ZFHX3: variants seen among roughly 807,000 people sequenced by gnomAD.
ZFHX3 encodes the protein zinc finger homeobox protein 3.
Under a neutral mutation model 279.1 loss-of-function variants are expected in ZFHX3, and 42 were observed. That is an observed-to-expected ratio of 0.15 (90% CI 0.12 to 0.19). The LOEUF (loss-of-function observed/expected upper bound fraction) is 0.19, where lower values mean the gene tolerates loss of function less well. Among genes scored for constraint, ZFHX3 ranks in the 10% least tolerant of loss-of-function variants. The pLI is 1.00. For synonymous variants in ZFHX3, 2,293 were observed against 1,957.8 expected (o/e 1.17, Z -4.52); for missense variants, 4,981 against 4,754.0 (o/e 1.05, Z -1.40).
intron 4 of ZFHX3, among the ~76,000 whole-genome samples, chr16:72,854,116 C>T (rs970554179): frequency 6.6e-6 from 1 of 152,286 alleles, no homozygotes; most frequent in African/African-American, 2.4e-5. Context: ...CAGAAGTAAG[C>T]GAAGCAATTA....
intron 1 of ZFHX3, among the ~76,000 whole-genome samples, chr16:73,872,621 A>G (rs2029865287): frequency 6.6e-6 from 1 of 150,564 alleles, no homozygotes; most frequent in African/African-American, 2.5e-5. Flanking sequence ...TCGGACAGTT[A>G]TCTTTAAAAA....
intron 1 of ZFHX3, chr16:73,014,518 CTTTTTTTTTT>C (rs1000108439): frequency 3.2e-5 from 2 of 63,366 alleles, no homozygotes; most frequent in Admixed American, 2.3e-4. Flanking sequence ...ATTTCTTCTT[CTTTTTTTTTT>C]TTTTTTTTTT....
chr16:73,728,515 G>A (rs1209456246), intron 1 of ZFHX3, among the ~76,000 whole-genome samples: 1 of 152,162 alleles, frequency 6.6e-6, no homozygotes, highest in African/African-American at 2.4e-5. Flanking sequence ...AGGGCTAATG[G>A]TAGCTGACAT....
chr16:73,854,071 A>G (rs142708015), intron 1 of ZFHX3, among the ~76,000 whole-genome samples: 157 of 152,344 alleles, frequency 1.0e-3, no homozygotes, highest in Non-Finnish European at 1.9e-3. Flanking sequence ...GCTTGCGAGT[A>G]GAGTCAAAGT....
At chr16:73,616,084 C>T (rs1393584133) in intron 2 of ZFHX3, among the ~76,000 whole-genome samples, 6 of 151,936 alleles carry the variant, frequency 3.9e-5, no homozygotes, top group Non-Finnish European at 8.8e-5. Flanking sequence ...TTTGATAAGA[C>T]AGTCCCACTT....
At chr16:73,406,485 T>A (rs2017363107) in intron 3 of ZFHX3, among the ~76,000 whole-genome samples, 1 of 152,206 alleles carries the variant, frequency 6.6e-6, no homozygotes, top group Admixed American at 6.5e-5. Flanking sequence ...ACTTAGTAAG[T>A]TTCATCCTAA....
intron 8 of ZFHX3, among the ~76,000 whole-genome samples, chr16:73,079,572 C>G (rs532784449): frequency 2.0e-4 from 30 of 152,086 alleles, no homozygotes; most frequent in Non-Finnish European, 2.6e-4. Context: ...CTCCTGGCCT[C>G]AAGTGATCCT....
chr16:73,573,907 T>A (rs2051768734), intron 2 of ZFHX3, among the ~76,000 whole-genome samples: 1 of 152,226 alleles, frequency 6.6e-6, no homozygotes, highest in African/African-American at 2.4e-5. Context: ...ACAGCTATAT[T>A]CTTTGCTGGT....
rs3051948 is a variant in ZFHX3 at position 73,537,314 on chromosome 16, C to CTT, written c.-1546-81058_-1546-81057dup. On this transcript the variant is annotated intron_variant, in intron 2 of 17. Transcript: ENST00000641206. ...AATCTAAAGTCACTTCTTTCTTCTTCTTTTTTTTTTTTTTTTTTTTTTTTT... is the reference window on the plus strand; with the variant it reads ...AATCTAAAGTCACTTCTTTCTTCTTCTTTTTTTTTTTTTTTTTTTTTTTTTTT... Among the ~76,000 whole-genome samples, 265 of 77,568 alleles carry CTT rather than the reference C, an allele frequency of 3.4e-3. 5 individuals carry two copies. Among genetic ancestry groups the CTT allele is most frequent in the Middle Eastern group, 6.6e-3 (1 of 152 alleles). 50.9% of individuals were successfully genotyped at this position (77,568 alleles called of 152,430 possible).
chr16:73,523,613 G>A (rs986490510), intron 2 of ZFHX3, among the ~76,000 whole-genome samples: 10 of 125,264 alleles, frequency 8.0e-5, no homozygotes, highest in Non-Finnish European at 1.3e-4. Context: ...GCAGGGAATG[G>A]AAGCTGGGTT....
chr16:73,118,211 G>GT lies in ZFHX3; in HGVS notation c.-897+12756dup, dbSNP rs543942360. ...AGGTCTTAATTATTTTTTGTTCTTA[G>GT]TTTTTTTTGTTGTTGTTGAGACAGT... is the stretch of plus-strand genomic sequence containing the variant. On this transcript the variant is annotated intron_variant, in intron 7 of 17. Coordinates refer to the ZFHX3 transcript ENST00000641206. Among the ~76,000 whole-genome samples, 3 of 151,878 alleles carry GT rather than the reference G, an allele frequency of 2.0e-5. No homozygotes were observed. In the South Asian group the frequency reaches 6.2e-4, roughly 32 times the overall value.
intron 7 of ZFHX3, among the ~76,000 whole-genome samples, chr16:73,111,043 C>T (rs1189334333): frequency 1.3e-5 from 2 of 152,058 alleles, no homozygotes; most frequent in East Asian, 1.9e-4. Context: ...TGAGTTCAAG[C>T]GATTCTCCTG....
At chr16:73,224,808 T>G (rs780055553) in intron 5 of ZFHX3, among the ~76,000 whole-genome samples, 1 of 152,118 alleles carries the variant, frequency 6.6e-6, no homozygotes, top group Non-Finnish European at 1.5e-5. Context: ...AAAGGAAAGT[T>G]GCTTGACGTG....
Position 72,893,921 on chromosome 16 carries a change from G to A in ZFHX3, c.3217-3959C>T, listed in dbSNP as rs181994496. On this transcript the variant is annotated intron_variant, in intron 3 of 9. Transcript: ENST00000268489. ...ACCCAGGACTTTGGGAGGCTGAGGT[G>A]GGCACATCACCTGAGGTCAGGAGTT... Among the ~76,000 whole-genome samples the A allele has an allele frequency of 1.1e-3, 164 of 152,218 alleles. 1 individual carries two copies. The highest frequency in any genetic ancestry group is 1.6e-3 in the Non-Finnish European group (109 of 68,016).
chr16:73,890,674 A>T (rs938925863), intron 1 of ZFHX3, among the ~76,000 whole-genome samples: 17 of 152,142 alleles, frequency 1.1e-4, no homozygotes, highest in Non-Finnish European at 1.9e-4. Context: ...TAATATCACA[A>T]ATTAGTCATC....
chr16:73,706,863 G>A (rs911183249), intron 1 of ZFHX3, among the ~76,000 whole-genome samples: 3 of 152,124 alleles, frequency 2.0e-5, no homozygotes, highest in Non-Finnish European at 2.9e-5. Flanking sequence ...CCTCTGCATT[G>A]CTTATTATGA....
intron 1 of ZFHX3, among the ~76,000 whole-genome samples, chr16:73,008,424 ACT>A (rs1441799360): frequency 6.6e-6 from 1 of 152,200 alleles, no homozygotes; most frequent in Non-Finnish European, 1.5e-5. Flanking sequence ...AGGAGATGAA[ACT>A]CTGGCAAATA....
chr16:73,038,490 T>C (rs909652486), intron 1 of ZFHX3, among the ~76,000 whole-genome samples: 2 of 152,218 alleles, frequency 1.3e-5, no homozygotes, highest in Admixed American at 1.3e-4. Flanking sequence ...AGCCATCCAA[T>C]ATGACGGCCA....
chr16:73,237,023 C>T (rs912594377), intron 5 of ZFHX3, among the ~76,000 whole-genome samples: 1 of 152,156 alleles, frequency 6.6e-6, no homozygotes, highest in African/African-American at 2.4e-5. Flanking sequence ...CACATATTAC[C>T]CTGTTTAATT....
Sources: allele counts gnomAD v4.1 joint callset (sites outside exome capture counted in the v4.1 genomes callset), GRCh38; gene constraint gnomAD v4.1.1; transcripts MANE v1.5; gene names NCBI Gene and HGNC (gene_info 2026-07-23, HGNC 2026-07-21).